ADAMTS16: variants seen among roughly 807,000 people sequenced by gnomAD.
The protein encoded by ADAMTS16 is A disintegrin and metalloproteinase with thrombospondin motifs 16.
In ADAMTS16, 94 loss-of-function variants were observed where a neutral mutation model predicts 145.8. The ratio of observed to expected loss-of-function variants is 0.64; its 90% CI spans 0.55 to 0.77. The LOEUF (loss-of-function observed/expected upper bound fraction) is 0.77. ADAMTS16 is among the 30% of genes least tolerant of loss of function. The pLI is 0.00. For missense variants in ADAMTS16, 1,585 were observed against 1,591.5 expected (o/e 1.00, Z 0.07); for synonymous variants, 659 against 604.3 (o/e 1.09, Z -1.33).
In ADAMTS16 at chr5:5,319,865, T is replaced by C. The variant is rs185066729; in HGVS notation, c.*727T>C. ...ATTGAAGGAGAGATTTTTTATACTT[T>C]ATGTTTTATCTTTCTCAGTTATTTG... On this transcript the variant is annotated 3_prime_UTR_variant, in exon 23 of 23. Coordinates refer to ENST00000274181, the MANE Select transcript of ADAMTS16 (RefSeq NM_139056.4). 9.2e-4 allele frequency: 418 copies of C among 455,894 alleles called. 1 individual carries two copies. Among genetic ancestry groups the C allele is most frequent in the Non-Finnish European group, 1.6e-3 (355 of 226,776 alleles). The allele number at this position is 455,894 out of a possible 1,614,324, so 28.2% of individuals were successfully genotyped here.
In ADAMTS16 at chr5:5,264,777, A is replaced by AAC. The variant is rs1738173119; in HGVS notation, c.2789+1995_2789+1996insCA. Among the ~76,000 whole-genome samples, 8 of 121,374 alleles carry AAC rather than the reference A, an allele frequency of 6.6e-5. No homozygotes were observed. The South Asian group carries it at 2.2e-3, about 33-fold the overall frequency. 79.6% of individuals were successfully genotyped at this position (121,374 alleles called of 152,430 possible). On this transcript the variant is annotated intron_variant, in intron 18 of 22. Coordinates refer to ENST00000274181, the MANE Select transcript of ADAMTS16 (RefSeq NM_139056.4). Reference sequence around the variant, plus strand: ...CCACCACTCCCCACAATCTGCTATCAAGAGAGAATTTACACAAGAAATTAA... The same window carrying AAC: ...CCACCACTCCCCACAATCTGCTATCAACAGAGAGAATTTACACAAGAAATTAA...
chr5:5,310,960 G>A lies in ADAMTS16; in HGVS notation c.3411+4232G>A, dbSNP rs919490223. ...CTGCAGAGCCCTAGCCCAGAGCCAC[G>A]AGGACCAGAGATATGTGAGCAGCAG... On this transcript the variant is annotated intron_variant, in intron 21 of 22. Transcript: ENST00000274181. This position sits in a 1 kb window ranked among gnomAD's most constrained non-coding sequence, Gnocchi z 4.3. Among the ~76,000 whole-genome samples, 26 of 152,186 alleles carry A rather than the reference G, an allele frequency of 1.7e-4. No homozygotes were observed. The highest frequency in any genetic ancestry group is 1.7e-3 in the South Asian group (8 of 4,804).
intron 8 of ADAMTS16, among the ~76,000 whole-genome samples, chr5:5,192,222 T>A (rs1174785987): frequency 1.3e-5 from 2 of 152,144 alleles, no homozygotes; most frequent in Admixed American, 1.3e-4. Flanking sequence ...GCCACAGCAA[T>A]GCACAAGTTT....
At chr5:5,304,080 C>T (rs2126513709) in intron 20 of ADAMTS16, among the ~76,000 whole-genome samples, 1 of 152,244 alleles carries the variant, frequency 6.6e-6, no homozygotes, top group Non-Finnish European at 1.5e-5. Flanking sequence ...GACAGCGGGG[C>T]CCTGGAGACT....
chr5:5,202,375 T>A (rs4702242), intron 9 of ADAMTS16, among the ~76,000 whole-genome samples: 107,900 of 151,692 alleles, frequency 0.71, 38,534 homozygotes, highest in East Asian at 0.82. Context: ...GATCATTTTT[T>A]AAAAAAAAAT....
At chr5:5,193,248 C>T (rs1006187986) in intron 8 of ADAMTS16, among the ~76,000 whole-genome samples, 7 of 152,088 alleles carry the variant, frequency 4.6e-5, no homozygotes, top group Non-Finnish European at 7.4e-5. Context: ...GAAGGTTCTG[C>T]ACCCTTTAGC....
Position 5,284,191 on chromosome 5 carries a change from T to C in ADAMTS16, c.2790-19077T>C, listed in dbSNP as rs184907486. Among the ~76,000 whole-genome samples the C allele has an allele frequency of 4.5e-3, 679 of 152,328 alleles. 5 individuals are homozygous for C. Among genetic ancestry groups the C allele is most frequent in the African/African-American group, 0.014 (593 of 41,578 alleles). Reference sequence around the variant, plus strand: ...CATTGCTTATGCCACTCTTTCTTGATTGATTAATGTTACAAATTAAACTAA... The same window carrying C: ...CATTGCTTATGCCACTCTTTCTTGACTGATTAATGTTACAAATTAAACTAA... On this transcript the variant is annotated intron_variant, in intron 18 of 22. Transcript: ENST00000274181.
chr5:5,210,239 A>G (rs2126317859), intron 10 of ADAMTS16, among the ~76,000 whole-genome samples: 1 of 152,296 alleles, frequency 6.6e-6, no homozygotes, highest in East Asian at 1.9e-4. Flanking sequence ...AAATGGACAT[A>G]AAACTAATGG....
rs1165251626 is a variant in ADAMTS16, at chr5:5,200,190, ATGTCC to A, written c.1373_1377del (p.Met458ThrfsTer34). On this transcript the variant is annotated frameshift_variant, in exon 9 of 23. Coordinates refer to ENST00000274181, the MANE Select transcript of ADAMTS16 (RefSeq NM_139056.4). LOFTEE classifies it high-confidence loss of function. ...GTGCAAAAAGTCCGAGGGCAACATCATGTCCCCTACATTGGCAGGACGCAATGGAG... is the reference window on the plus strand; with the variant it reads ...GTGCAAAAAGTCCGAGGGCAACATCACCTACATTGGCAGGACGCAATGGAG... The A allele has an allele frequency of 6.2e-7, 1 of 1,614,064 alleles. No individual in the cohort carries two copies. The highest frequency in any genetic ancestry group is 2.2e-5 in the East Asian group (1 of 44,876).
At chr5:5,306,968 T>C (rs1165692706) in intron 21 of ADAMTS16, among the ~76,000 whole-genome samples, 1 of 152,196 alleles carries the variant, frequency 6.6e-6, no homozygotes. Flanking sequence ...CCTCTAAATG[T>C]CACCCAATTA....
chr5:5,181,673 C>G (rs1237783721), intron 3 of ADAMTS16, among the ~76,000 whole-genome samples: 1 of 152,178 alleles, frequency 6.6e-6, no homozygotes, highest in East Asian at 1.9e-4. Flanking sequence ...GACCCCTCAC[C>G]AATATGAATA....
intron 10 of ADAMTS16, among the ~76,000 whole-genome samples, chr5:5,210,524 C>A (rs1736246754): frequency 2.0e-5 from 3 of 152,182 alleles, no homozygotes; most frequent in African/African-American, 7.2e-5. Context: ...TAAGCCAGAA[C>A]CTTCCCTGTG....
rs1312598115 is a variant in ADAMTS16, at chr5:5,157,826, G to A, written c.501+11371G>A. On this transcript the variant is annotated intron_variant, in intron 3 of 22. Transcript: ENST00000274181. ...GTTGTTGAGAACTTTTTCAAAGAAT[G>A]TTATTTTTGATTGAGCTTTCCTCCA... Among the ~76,000 whole-genome samples the A allele has an allele frequency of 5.3e-5, 8 of 152,308 alleles. No individual in the cohort carries two copies. The East Asian group carries it at 1.4e-3, about 26-fold the overall frequency.
At chr5:5,240,287 C>A (rs1386919416) in intron 16 of ADAMTS16, among the ~76,000 whole-genome samples, 1 of 152,076 alleles carries the variant, frequency 6.6e-6, no homozygotes, top group African/African-American at 2.4e-5. Flanking sequence ...CTGCTGCGTT[C>A]TGTGGCAATA....
chr5:5,164,875 G>A (rs1579282216), intron 3 of ADAMTS16, among the ~76,000 whole-genome samples: 1 of 151,974 alleles, frequency 6.6e-6, no homozygotes, highest in African/African-American at 2.4e-5. Flanking sequence ...ACGGGGTTTT[G>A]CCATGTTAGT....
chr5:5,203,834 T>G (rs1272944443), intron 9 of ADAMTS16, among the ~76,000 whole-genome samples: 1 of 152,152 alleles, frequency 6.6e-6, no homozygotes, highest in African/African-American at 2.4e-5. Flanking sequence ...CATCAAAGCA[T>G]GAGAAAGGTG....
rs977466659 is a variant in ADAMTS16 at position 5,237,010 on chromosome 5, G to C, written c.2065G>C (p.Asp689His). 2.3e-5 allele frequency: 37 copies of C among 1,613,790 alleles called. No homozygotes were observed. Among genetic ancestry groups the C allele is most frequent in the Non-Finnish European group, 3.1e-5 (37 of 1,179,944 alleles). Residue 689 changes from aspartate to histidine, a missense_variant, in exon 14 of 23, where the codon GAT (aspartate) becomes CAT (histidine). Physicochemically the swap from Asp to His is moderately conservative, Grantham distance 81. Transcript: ENST00000274181. ...CKLYCIAEGF[D>H]FFFSLSNKVK... ...ACTCTACTGTATCGCAGAAGGATTT[G>C]ATTTCTTCTTTTCTTTGTCAAATAA...
chr5:5,280,495 GTACT>G (rs1738861755), intron 18 of ADAMTS16, among the ~76,000 whole-genome samples: 1 of 152,178 alleles, frequency 6.6e-6, no homozygotes, highest in African/African-American at 2.4e-5. Flanking sequence ...TGTGTGCCTA[GTACT>G]CTGAAGCACA....
At chr5:5,199,333 T>C (rs1735895041) in intron 8 of ADAMTS16, among the ~76,000 whole-genome samples, 1 of 152,192 alleles carries the variant, frequency 6.6e-6, no homozygotes, top group Non-Finnish European at 1.5e-5. Flanking sequence ...AGGGTTCCTA[T>C]AGCTGCTGTA....
Sources: allele counts gnomAD v4.1 joint callset (sites outside exome capture counted in the v4.1 genomes callset), GRCh38; gene constraint gnomAD v4.1.1; non-coding constraint Gnocchi (gnomAD v3.1); transcripts MANE v1.5; gene names NCBI Gene and HGNC (gene_info 2026-07-23, HGNC 2026-07-21).